Variants in ABCB1 observed in about 807,000 individuals in gnomAD.
ABCB1 encodes ATP-dependent translocase ABCB1.
In ABCB1, 69 loss-of-function variants were observed where a neutral mutation model predicts 142.0. The observed-to-expected ratio is 0.49, with a 90% CI of 0.40 to 0.59. The LOEUF (loss-of-function observed/expected upper bound fraction) is 0.59, where lower values mean the gene tolerates loss of function less well. ABCB1 is among the 20% of genes least tolerant of loss of function. The pLI is 0.00. For synonymous variants in ABCB1, 532 were observed against 539.2 expected (o/e 0.99, Z 0.18); for missense variants, 1,326 against 1,554.7 (o/e 0.85, Z 2.47).
At chr7:87,589,351 T>C (rs1463760885) in intron 3 of ABCB1, among the ~76,000 whole-genome samples, 1 of 152,226 alleles carries the variant, frequency 6.6e-6, no homozygotes, top group Non-Finnish European at 1.5e-5. Context: ...TATAAGCAGA[T>C]AATGTTACTG....
At chr7:87,547,892 A>G (rs1473482138) in intron 14 of ABCB1, among the ~76,000 whole-genome samples, 1 of 146,292 alleles carries the variant, frequency 6.8e-6, no homozygotes, top group Non-Finnish European at 1.5e-5. Context: ...GGTGGCACAC[A>G]CCTGTGGTCC....
chr7:87,703,037 T>G (rs887377872), intron 1 of ABCB1, among the ~76,000 whole-genome samples: 8 of 152,286 alleles, frequency 5.3e-5, no homozygotes, highest in African/African-American at 1.9e-4. Flanking sequence ...CAGAGTAGCT[T>G]TATTATTTTG....
intron 20 of ABCB1, among the ~76,000 whole-genome samples, chr7:87,536,218 G>T (rs904419134): frequency 1.1e-4 from 17 of 152,076 alleles, no homozygotes; most frequent in Non-Finnish European, 7.4e-5. Context: ...CATGCATCTT[G>T]TTAATAGCAT....
chr7:87,593,612 C>G (rs1036370067), intron 3 of ABCB1, among the ~76,000 whole-genome samples: 27 of 152,220 alleles, frequency 1.8e-4, no homozygotes, highest in African/African-American at 5.3e-4. Context: ...TCTGTACAAA[C>G]AATATGATTC....
intron 8 of ABCB1, 26 bp downstream of exon 8, chr7:87,561,237 T>TAAATTTAA: frequency 6.2e-7 from 1 of 1,612,816 alleles, no homozygotes; most frequent in Non-Finnish European, 8.5e-7. Context: ...TTAACATATC[T>TAAATTTAA]ATCCATTTAA....
chr7:87,697,615 A>G (rs1274007974), intron 1 of ABCB1, among the ~76,000 whole-genome samples: 1 of 152,214 alleles, frequency 6.6e-6, no homozygotes, highest in Non-Finnish European at 1.5e-5. Flanking sequence ...TGATGCAAGG[A>G]GAGCTTGGTC....
chr7:87,605,552 T>A (rs1819621422), upstream of ABCB1, among the ~76,000 whole-genome samples: 1 of 152,112 alleles, frequency 6.6e-6, no homozygotes, highest in Non-Finnish European at 1.5e-5. Flanking sequence ...TTTAAATGAA[T>A]GACAAAATTA....
At chr7:87,620,460 G>A (rs1014070646) in intron 1 of ABCB1, among the ~76,000 whole-genome samples, 2 of 152,062 alleles carry the variant, frequency 1.3e-5, no homozygotes, top group Non-Finnish European at 2.9e-5. Context: ...TCTAATTGAT[G>A]TTTAGTCTTT....
chr7:87,633,386 C>T (rs1821418838), intron 1 of ABCB1, among the ~76,000 whole-genome samples: 1 of 152,156 alleles, frequency 6.6e-6, no homozygotes, highest in African/African-American at 2.4e-5. Context: ...TTATTGATGA[C>T]TTTACTCTGA....
In ABCB1 at chr7:87,574,253, C is replaced by T. The variant is rs190327031; in HGVS notation, c.287-4030G>A. Among the ~76,000 whole-genome samples, 61 of 151,304 alleles carry T rather than the reference C, an allele frequency of 4.0e-4. 1 individual carries two copies. The highest frequency in any genetic ancestry group is 2.9e-3 in the East Asian group (15 of 5,172). On this transcript the variant is annotated intron_variant, in intron 4 of 27. Coordinates refer to ENST00000622132, the MANE Select transcript of ABCB1 (RefSeq NM_001348946.2). ...CATCAAAGCTTCTAAGAGAGGAGGACGAGAGAGCTTGACGGAATGCCTATG... is the reference window on the plus strand; with the variant it reads ...CATCAAAGCTTCTAAGAGAGGAGGATGAGAGAGCTTGACGGAATGCCTATG...
At chr7:87,577,905 C>A (rs1818341676) in intron 4 of ABCB1, among the ~76,000 whole-genome samples, 1 of 152,084 alleles carries the variant, frequency 6.6e-6, no homozygotes, top group Non-Finnish European at 1.5e-5. Context: ...CTCTGCAGTC[C>A]AGAAGGTTTT....
intron 8 of ABCB1, among the ~76,000 whole-genome samples, chr7:87,560,003 T>C (rs73198394): frequency 2.0e-5 from 3 of 152,328 alleles, no homozygotes; most frequent in Non-Finnish European, 4.4e-5. Flanking sequence ...TCTGAATAAC[T>C]TATCTAAATA....
At chr7:87,685,098 C>T (rs1206746310) in intron 1 of ABCB1, among the ~76,000 whole-genome samples, 2 of 152,020 alleles carry the variant, frequency 1.3e-5, no homozygotes, top group Non-Finnish European at 2.9e-5. Context: ...AAGTGGACTT[C>T]ATCAAAATTA....
At chr7:87,634,149 G>A (rs1021655479) in intron 1 of ABCB1, among the ~76,000 whole-genome samples, 4 of 152,180 alleles carry the variant, frequency 2.6e-5, no homozygotes, top group African/African-American at 9.6e-5. Flanking sequence ...GTGAGAACTG[G>A]CTCACTAGTG....
At chr7:87,564,237 C>A in intron 7 of ABCB1, 1 of 402,638 alleles carries the variant, frequency 2.5e-6, no homozygotes, top group Admixed American at 2.9e-5. Context: ...TGAAGTTTAG[C>A]ATGATAGTAT....
chr7:87,643,582 A>G (rs1822666521), intron 1 of ABCB1, among the ~76,000 whole-genome samples: 1 of 152,062 alleles, frequency 6.6e-6, no homozygotes. Flanking sequence ...GTGCAGTGGC[A>G]TGATCTGGGC....
Position 87,519,365 on chromosome 7 carries a change from A to G in ABCB1, c.2888T>C (p.Leu963Ser), listed in dbSNP as rs1395355925. Residue 963 changes from leucine (L) to serine (S), a missense_variant, in exon 23 of 28, where the codon TTG becomes TCG. By Grantham distance (145) the Leu-to-Ser change is moderately radical. Coordinates refer to ENST00000622132, the MANE Select transcript of ABCB1 (RefSeq NM_001348946.2). ...AAAGCTCATGAGTTTATGTGCCACC[A>G]AGTAGGCTCCAAACCGGAAACATCC... ...YAGCFRFGAY[L>S]VAHKLMSFED... The G allele has an allele frequency of 6.2e-7, 1 of 1,614,182 alleles. No homozygotes were observed.
chr7:87,609,236 G>A (rs371723575), intron 1 of ABCB1, among the ~76,000 whole-genome samples: 2 of 152,172 alleles, frequency 1.3e-5, no homozygotes, highest in East Asian at 3.8e-4. Flanking sequence ...ATAACTTTGA[G>A]CCAAGACGGG....
intron 21 of ABCB1, among the ~76,000 whole-genome samples, chr7:87,529,581 G>A (rs1815940948): frequency 6.6e-6 from 1 of 152,156 alleles, no homozygotes; most frequent in South Asian, 2.1e-4. Flanking sequence ...TAAATCTCAT[G>A]TGTCACTTCA....
Sources: allele counts gnomAD v4.1 joint callset (sites outside exome capture counted in the v4.1 genomes callset), GRCh38; gene constraint gnomAD v4.1.1; transcripts MANE v1.5; gene names NCBI Gene and HGNC (gene_info 2026-07-23, HGNC 2026-07-21).